GPHN: variants seen among roughly 807,000 people sequenced by gnomAD.
GPHN encodes the protein gephyrin.
A neutral mutation model predicts 95.5 loss-of-function variants in GPHN; 17 were observed. That is an observed-to-expected ratio of 0.18 (90% CI 0.12 to 0.27). GPHN has a LOEUF of 0.27. GPHN is among the 10% of genes least tolerant of loss of function. The pLI is 1.00. For missense variants in GPHN, 660 were observed against 978.1 expected (o/e 0.67, Z 4.34); for synonymous variants, 320 against 322.5 (o/e 0.99, Z 0.08).
chr14:67,204,041 T>C, the GPHN span, among the ~76,000 whole-genome samples: 1 of 152,050 alleles, frequency 6.6e-6, no homozygotes, highest in Admixed American at 6.6e-5. Flanking sequence ...ATCAGAGCCT[T>C]AGGCATATGA....
intron 1 of GPHN, among the ~76,000 whole-genome samples, chr14:66,660,102 A>ATG (rs755729609): frequency 2.3e-4 from 34 of 151,108 alleles, no homozygotes; most frequent in Non-Finnish European, 3.5e-4. Flanking sequence ...ACTCTAGTGT[A>ATG]TGTGTGTGTG....
chr14:67,458,748 G>C, the GPHN span, among the ~76,000 whole-genome samples: 1 of 152,118 alleles, frequency 6.6e-6, no homozygotes, highest in Non-Finnish European at 1.5e-5. Flanking sequence ...TTGAGGCAGG[G>C]TCTCACTCTG....
At chr14:67,376,296 C>G in the GPHN span, 1 of 775,080 alleles carries the variant, frequency 1.3e-6, no homozygotes, top group Non-Finnish European at 2.0e-6. Context: ...CTTTTTATAC[C>G]CACTTAAAGT....
At chr14:66,565,292 CTG>C (rs3031748) in intron 1 of GPHN, among the ~76,000 whole-genome samples, 20 of 149,644 alleles carry the variant, frequency 1.3e-4, no homozygotes, top group South Asian at 2.1e-4. Flanking sequence ...TGTCCCCTAT[CTG>C]TGTGTGTGTG....
chr14:67,642,828 G>T, the GPHN span, among the ~76,000 whole-genome samples: 1 of 90,480 alleles, frequency 1.1e-5, no homozygotes, highest in African/African-American at 4.1e-5. Flanking sequence ...TTTGAGATAG[G>T]GTCTGGCTCT....
At chr14:66,655,378 A>T (rs8018426) in intron 1 of GPHN, among the ~76,000 whole-genome samples, 47,230 of 151,986 alleles carry the variant, frequency 0.31, 11,194 homozygotes, top group African/African-American at 0.64. Context: ...GATAAGTGGC[A>T]TTATATTTTA....
At chr14:67,223,061 A>G in the GPHN span, among the ~76,000 whole-genome samples, 22,934 of 143,044 alleles carry the variant, frequency 0.16, 3,349 homozygotes, top group East Asian at 0.43. Context: ...GTGCAGTGGC[A>G]CAATCTTGGC....
At chr14:66,756,718 A>T (rs1172980205) in intron 2 of GPHN, among the ~76,000 whole-genome samples, 1 of 152,224 alleles carries the variant, frequency 6.6e-6, no homozygotes, top group Non-Finnish European at 1.5e-5. Context: ...ATGGTTACAA[A>T]ATTAAGATAC....
the GPHN span, chr14:67,199,901 C>A: frequency 6.8e-7 from 1 of 1,480,880 alleles, no homozygotes; most frequent in Non-Finnish European, 9.0e-7. Flanking sequence ...GCAGGAACCC[C>A]AGGGGCAGGA....
chr14:67,059,164 A>G (rs2075726277), intron 11 of GPHN: 2 of 270,392 alleles, frequency 7.4e-6, no homozygotes, highest in East Asian at 7.0e-5. Context: ...GAAATGGGAG[A>G]CAACTAATAT....
chr14:66,666,145 A>G (rs1055029721), intron 1 of GPHN, among the ~76,000 whole-genome samples: 7 of 152,024 alleles, frequency 4.6e-5, no homozygotes, highest in East Asian at 3.9e-4. Flanking sequence ...AGATATACCT[A>G]ATGTAAATGA....
chr14:67,249,893 T>C, the GPHN span, among the ~76,000 whole-genome samples: 2 of 152,232 alleles, frequency 1.3e-5, no homozygotes, highest in Non-Finnish European at 2.9e-5. Context: ...CCTATGAATG[T>C]AGTGAGCTAG....
At chr14:66,788,355 A>C (rs1428850675) in intron 3 of GPHN, among the ~76,000 whole-genome samples, 1 of 152,236 alleles carries the variant, frequency 6.6e-6, no homozygotes, top group African/African-American at 2.4e-5. Context: ...TGAATGACAA[A>C]ATATTGACAA....
intron 1 of GPHN, among the ~76,000 whole-genome samples, chr14:66,575,211 T>A (rs2060856143): frequency 6.6e-6 from 1 of 151,400 alleles, no homozygotes; most frequent in Non-Finnish European, 1.5e-5. Flanking sequence ...TGTTCTTGGT[T>A]GACAGATTTT....
At chr14:67,030,290 C>A (rs1334783145) in intron 10 of GPHN, among the ~76,000 whole-genome samples, 1 of 152,236 alleles carries the variant, frequency 6.6e-6, no homozygotes, top group South Asian at 2.1e-4. Context: ...CATCACTAGC[C>A]ACTGATTTGT....
intron 2 of GPHN, among the ~76,000 whole-genome samples, chr14:66,744,144 A>G (rs952169790): frequency 1.3e-5 from 2 of 152,232 alleles, no homozygotes; most frequent in Non-Finnish European, 2.9e-5. Context: ...CCTTCTGCCT[A>G]TAACCTGATT....
At chr14:66,886,647 A>G (rs1347133224) in intron 5 of GPHN, among the ~76,000 whole-genome samples, 1 of 152,204 alleles carries the variant, frequency 6.6e-6, no homozygotes, top group Admixed American at 6.6e-5. Context: ...AAAAAGAATC[A>G]GCAAACTTAA....
chr14:67,548,705 AAG>A, the GPHN span, among the ~76,000 whole-genome samples: 1 of 152,196 alleles, frequency 6.6e-6, no homozygotes, highest in Admixed American at 6.5e-5. Flanking sequence ...CTCAAAAAAA[AAG>A]AGAGAAGAAA....
the GPHN span, among the ~76,000 whole-genome samples, chr14:67,540,730 T>C: frequency 1.2e-3 from 177 of 152,344 alleles, no homozygotes; most frequent in East Asian, 0.024. Flanking sequence ...ACCAAATTTA[T>C]ACTTTTTGGG....
Sources: allele counts gnomAD v4.1 joint callset (sites outside exome capture counted in the v4.1 genomes callset), GRCh38; gene constraint gnomAD v4.1.1; transcripts MANE v1.5; gene names NCBI Gene and HGNC (gene_info 2026-07-23, HGNC 2026-07-21).